The following KIF15 variants were observed in gnomAD, a reference collection of about 807,000 sequenced individuals.
KIF15 encodes kinesin family member 15.
KIF15 carries 140 observed loss-of-function variants against 190.6 expected under a neutral mutation model. The ratio of observed to expected loss-of-function variants is 0.73; its 90% CI spans 0.64 to 0.84. KIF15 has a LOEUF of 0.84. KIF15 is among the 40% of genes least tolerant of loss of function. The pLI, the probability that KIF15 is intolerant of heterozygous loss-of-function variation, is 0.00. For missense variants in KIF15, 1,372 were observed against 1,584.4 expected (o/e 0.87, Z 2.28); for synonymous variants, 528 against 551.3 (o/e 0.96, Z 0.59).
chr3:44,783,037 AG>A (rs1485928387), intron 5 of KIF15, among the ~76,000 whole-genome samples: 1 of 152,234 alleles, frequency 6.6e-6, no homozygotes, highest in African/African-American at 2.4e-5. Context: ...AGGATTACTC[AG>A]GCAGCTAAAT....
chr3:44,864,888 G>A (rs1699303606), intron 6 of KIF15: 1 of 964,434 alleles, frequency 1.0e-6, no homozygotes, highest in African/African-American at 1.6e-5. Flanking sequence ...TGAATAGAGT[G>A]ACTTGATGAA....
At chr3:44,762,950 A>G (rs946612411) in intron 1 of KIF15, among the ~76,000 whole-genome samples, 1 of 152,228 alleles carries the variant, frequency 6.6e-6, no homozygotes, top group African/African-American at 2.4e-5. Flanking sequence ...TTTATGGATC[A>G]GTCACTAAAT....
At chr3:44,858,917 CA>C (rs1272160257) in intron 6 of KIF15, among the ~76,000 whole-genome samples, 3 of 152,204 alleles carry the variant, frequency 2.0e-5, no homozygotes, top group Non-Finnish European at 2.9e-5. Flanking sequence ...AGGGGGCCTC[CA>C]AGGCGATCGG....
chr3:44,776,115 C>T (rs1320967146), intron 3 of KIF15, among the ~76,000 whole-genome samples: 1 of 150,464 alleles, frequency 6.6e-6, no homozygotes, highest in Admixed American at 6.6e-5. Context: ...CTGGGCTGGT[C>T]TCTTTTTAAT....
chr3:44,804,555 G>A (rs1242002872), intron 14 of KIF15, among the ~76,000 whole-genome samples: 5 of 152,088 alleles, frequency 3.3e-5, no homozygotes, highest in East Asian at 3.9e-4. Flanking sequence ...CCACACTTTC[G>A]TCATTGTTTG....
chr3:44,763,764 T>A (rs1705260911), intron 1 of KIF15, among the ~76,000 whole-genome samples: 1 of 151,938 alleles, frequency 6.6e-6, no homozygotes, highest in Non-Finnish European at 1.5e-5. Context: ...CTTGGCTCAC[T>A]GCAATCTCCA....
At chr3:44,839,756 T>A (rs566178988) in intron 27 of KIF15, among the ~76,000 whole-genome samples, 1 of 152,328 alleles carries the variant, frequency 6.6e-6, no homozygotes, top group East Asian at 1.9e-4. Flanking sequence ...TGATTCCACA[T>A]ATAAGTGAGA....
At chr3:44,848,155 A>G in intron 31 of KIF15, 98 bp downstream of exon 31, 1 of 735,190 alleles carries the variant, frequency 1.4e-6, no homozygotes, top group South Asian at 1.9e-5. Context: ...TTTACTATTG[A>G]AATTCCTGTC....
At chr3:44,837,578 A>T (rs972481372) in intron 26 of KIF15, among the ~76,000 whole-genome samples, 1 of 152,098 alleles carries the variant, frequency 6.6e-6, no homozygotes, top group South Asian at 2.1e-4. Flanking sequence ...ATCCATGTAT[A>T]TGTACATGTC....
At chr3:44,817,916 G>A (rs191789233) in intron 20 of KIF15, among the ~76,000 whole-genome samples, 39 of 151,990 alleles carry the variant, frequency 2.6e-4, no homozygotes, top group Admixed American at 1.3e-3. Flanking sequence ...CTTTTATTTC[G>A]TTGAGCAGTG....
chr3:44,801,529 A>T lies in KIF15; in HGVS notation c.1299+3A>T, dbSNP rs1707278680. ...AGAAATCTGAACAGGAAAAGAAGGTAGGAAATGGAATTAGTAATAAAGGAG... is the reference window on the plus strand; with the variant it reads ...AGAAATCTGAACAGGAAAAGAAGGTTGGAAATGGAATTAGTAATAAAGGAG... On this transcript the variant is annotated splice_donor_region_variant and intron_variant, in intron 12 of 34. Transcript: ENST00000326047. 1 of 1,535,068 alleles carries T rather than the reference A, an allele frequency of 6.5e-7. No homozygotes were observed. Among genetic ancestry groups the T allele is most frequent in the African/African-American group, 1.4e-5 (1 of 73,232 alleles).
intron 20 of KIF15, among the ~76,000 whole-genome samples, chr3:44,823,200 G>T (rs1697452370): frequency 6.6e-6 from 1 of 152,138 alleles, no homozygotes; most frequent in Non-Finnish European, 1.5e-5. Context: ...TGGTATGGAT[G>T]CCCTTTTTGT....
chr3:44,845,398 T>C (rs1360525111), intron 30 of KIF15, among the ~76,000 whole-genome samples: 1 of 152,110 alleles, frequency 6.6e-6, no homozygotes, highest in African/African-American at 2.4e-5. Context: ...ACTTAAATGA[T>C]GGAAGCAGTT....
At chr3:44,819,716 A>T (rs1328477298) in intron 20 of KIF15, among the ~76,000 whole-genome samples, 1 of 152,182 alleles carries the variant, frequency 6.6e-6, no homozygotes, top group Non-Finnish European at 1.5e-5. Context: ...AAGAATGTAT[A>T]TTCTGTTGAT....
intron 6 of KIF15, among the ~76,000 whole-genome samples, chr3:44,866,278 T>C (rs1575704041): frequency 1.3e-5 from 2 of 152,104 alleles, no homozygotes; most frequent in South Asian, 4.1e-4. Context: ...TTCACCATGT[T>C]ATCCAGGATA....
chr3:44,775,392 C>T lies in KIF15; in HGVS notation c.201C>T (p.Pro67=), dbSNP rs1207350632. 1 of 1,613,844 alleles carries T rather than the reference C, an allele frequency of 6.2e-7. No homozygotes were observed. The highest frequency in any genetic ancestry group is 8.5e-7 in the Non-Finnish European group (1 of 1,179,890). The stretch of plus-strand genomic sequence containing the variant: ...TCCGGCTGCACTCCAACCCTGAGCC[C>T]AAGACCTTCACGTTTGATCATGTTG... ...TSLRLHSNPE[P]KTFTFDHVAD... Residue 67 remains proline, a synonymous_variant, in exon 3 of 35, where the codon CCC becomes CCT. Transcript: ENST00000326047.
downstream of KIF15, among the ~76,000 whole-genome samples, chr3:44,858,121 G>T (rs1699206364): frequency 6.6e-6 from 1 of 152,218 alleles, no homozygotes; most frequent in South Asian, 2.1e-4. Context: ...AGCAGAGGCT[G>T]GGACGAGGGG....
intron 5 of KIF15, among the ~76,000 whole-genome samples, chr3:44,783,075 C>T (rs960142762): frequency 1.3e-5 from 2 of 151,884 alleles, no homozygotes; most frequent in East Asian, 1.9e-4. Flanking sequence ...GGGGATAGAG[C>T]GGGATTAGGA....
chr3:44,763,422 C>T (rs1265106271), intron 1 of KIF15, among the ~76,000 whole-genome samples: 2 of 152,166 alleles, frequency 1.3e-5, no homozygotes, highest in East Asian at 3.9e-4. Flanking sequence ...CTGCCTGAGT[C>T]TCCCAAGTAG....
Sources: gnomAD v4.1 joint callset for allele counts (sites outside exome capture counted in the v4.1 genomes callset) on GRCh38, gnomAD v4.1.1 for gene constraint, MANE v1.5 for transcripts, NCBI Gene and HGNC (gene_info 2026-07-23, HGNC 2026-07-21) for gene names.